RNF216: variants seen among roughly 807,000 people sequenced by gnomAD.
The protein encoded by RNF216 is E3 ubiquitin-protein ligase RNF216.
A neutral mutation model predicts 110.8 loss-of-function variants in RNF216; 72 were observed. The ratio of observed to expected loss-of-function variants is 0.65; its 90% CI spans 0.54 to 0.79. The LOEUF (loss-of-function observed/expected upper bound fraction) is 0.79. RNF216 is among the 30% of genes least tolerant of loss of function. The pLI is 0.00. For missense variants in RNF216, 1,342 were observed against 1,141.2 expected (o/e 1.18, Z -2.54); for synonymous variants, 495 against 407.5 (o/e 1.21, Z -2.59).
At chr7:5,652,300 A>T (rs1209408693) in intron 14 of RNF216, 113 bp downstream of exon 14, 2 of 746,518 alleles carry the variant, frequency 2.7e-6, no homozygotes, top group Admixed American at 1.9e-5. Flanking sequence ...ATCACTCCAG[A>T]CTGGGGTGGC....
At chr7:5,687,743 G>A (rs1164693746) in intron 13 of RNF216, among the ~76,000 whole-genome samples, 2 of 152,190 alleles carry the variant, frequency 1.3e-5, no homozygotes, top group Non-Finnish European at 2.9e-5. Context: ...ATCTAAGGAA[G>A]GAGAAGATAA....
At chr7:5,733,870 T>C (rs1794235104) in intron 5 of RNF216, among the ~76,000 whole-genome samples, 2 of 152,194 alleles carry the variant, frequency 1.3e-5, no homozygotes, top group African/African-American at 2.4e-5. Context: ...AATTCACACA[T>C]ATAAGTTGCT....
At chr7:5,718,853 G>A (rs541292385) in intron 9 of RNF216, among the ~76,000 whole-genome samples, 14 of 152,010 alleles carry the variant, frequency 9.2e-5, no homozygotes, top group Admixed American at 7.2e-4. Flanking sequence ...CATCCCACCC[G>A]GCCAAACTTA....
At chr7:5,679,332 A>G (rs1280727412) in intron 13 of RNF216, among the ~76,000 whole-genome samples, 1 of 152,232 alleles carries the variant, frequency 6.6e-6, no homozygotes, top group Non-Finnish European at 1.5e-5. Flanking sequence ...ATCTAGTGAC[A>G]TATTTTGGGC....
chr7:5,693,889 A>G (rs1791477133), intron 13 of RNF216, among the ~76,000 whole-genome samples: 1 of 152,178 alleles, frequency 6.6e-6, no homozygotes, highest in Non-Finnish European at 1.5e-5. Flanking sequence ...TTGCTTAAGA[A>G]ATCAGCCTTA....
At chr7:5,645,382 C>G (rs921471445) in intron 14 of RNF216, among the ~76,000 whole-genome samples, 1 of 152,160 alleles carries the variant, frequency 6.6e-6, no homozygotes, top group African/African-American at 2.4e-5. Flanking sequence ...ATTGGTACAT[C>G]AGATGATGTT....
At chr7:5,749,494 G>C (rs144647624) in intron 3 of RNF216, among the ~76,000 whole-genome samples, 2,918 of 152,176 alleles carry the variant, frequency 0.019, 42 homozygotes, top group Non-Finnish European at 0.03. Context: ...AAAGTTCCTA[G>C]AAATCTGATA....
chr7:5,630,428 A>G (rs188552238), intron 15 of RNF216, among the ~76,000 whole-genome samples: 96 of 152,024 alleles, frequency 6.3e-4, no homozygotes, highest in African/African-American at 2.3e-3. Flanking sequence ...CCCAGGGTGG[A>G]GTAAAATGGC....
At chr7:5,725,666 A>G (rs1393961353) in intron 7 of RNF216, among the ~76,000 whole-genome samples, 1 of 152,116 alleles carries the variant, frequency 6.6e-6, no homozygotes, top group Non-Finnish European at 1.5e-5. Context: ...TCTGGCCAAC[A>G]TGGTGAAACC....
At chr7:5,724,270 C>T (rs922344056) in intron 8 of RNF216, among the ~76,000 whole-genome samples, 5 of 152,190 alleles carry the variant, frequency 3.3e-5, no homozygotes, top group Non-Finnish European at 7.3e-5. Context: ...CAGTCAGAAT[C>T]TCTCTCCACA....
intron 3 of RNF216, among the ~76,000 whole-genome samples, chr7:5,750,782 C>T (rs148499999): frequency 3.9e-5 from 6 of 152,202 alleles, no homozygotes; most frequent in Non-Finnish European, 7.3e-5. Flanking sequence ...ATGCCTCTCA[C>T]GTGGCAGGAC....
chr7:5,751,355 T>C (rs561835312), intron 3 of RNF216, among the ~76,000 whole-genome samples: 126 of 152,234 alleles, frequency 8.3e-4, no homozygotes, highest in Non-Finnish European at 1.4e-3. Context: ...ATAAAAATTA[T>C]AGGAGGCCAC....
At chr7:5,698,284 T>C (rs1791749203) in intron 13 of RNF216, among the ~76,000 whole-genome samples, 1 of 152,066 alleles carries the variant, frequency 6.6e-6, no homozygotes, top group African/African-American at 2.4e-5. Context: ...GGAGGGTCTG[T>C]TACAGGCTAT....
intron 13 of RNF216, among the ~76,000 whole-genome samples, chr7:5,688,447 T>C (rs1791120812): frequency 2.0e-5 from 3 of 152,194 alleles, no homozygotes; most frequent in Admixed American, 6.5e-5. Flanking sequence ...CTGTTGACAC[T>C]AGTGAAAAGA....
rs536335648 is a variant in RNF216, at chr7:5,737,054, T to G, written c.1121+2222A>C. 2.0e-5 allele frequency among the ~76,000 whole-genome samples: 3 copies of G among 152,334 alleles called. No homozygotes were observed. In the South Asian group the frequency reaches 6.2e-4, roughly 32 times the overall value. On this transcript the variant is annotated intron_variant, in intron 5 of 16. Transcript: ENST00000389902. The stretch of plus-strand genomic sequence containing the variant: ...ACAGCTTATTGAGAACGGGCCATGA[T>G]GACGATGACAGCTGTGTCGAATAGA...
intron 14 of RNF216, among the ~76,000 whole-genome samples, chr7:5,644,569 A>T (rs559711081): frequency 3.3e-5 from 5 of 150,500 alleles, no homozygotes; most frequent in African/African-American, 4.9e-5. Flanking sequence ...GCAGTAGTGT[A>T]ATATCAGCTC....
chr7:5,716,649 C>G, intron 10 of RNF216, 67 bp downstream of exon 10: 5 of 1,343,098 alleles, frequency 3.7e-6, no homozygotes, highest in Non-Finnish European at 5.2e-6. Context: ...AAAATGCTGA[C>G]AAAACATGGT....
At chr7:5,780,463 G>A (rs1426152575) in intron 1 of RNF216, among the ~76,000 whole-genome samples, 1 of 152,150 alleles carries the variant, frequency 6.6e-6, no homozygotes, top group East Asian at 1.9e-4. Context: ...TTGGGAGGCC[G>A]AGGCGGAGGG....
Position 5,620,060 on chromosome 7 carries a change from A to G in RNF216, c.*2800T>C, listed in dbSNP as rs1786257678. 6.6e-6 allele frequency: 1 copy of G among 152,276 alleles called. No homozygotes were observed. Among genetic ancestry groups the G allele is most frequent in the African/African-American group, 2.4e-5 (1 of 41,466 alleles). 9.4% of individuals were successfully genotyped at this position (152,276 alleles called of 1,614,324 possible). A position where few individuals can be genotyped will look rare whatever the true frequency, so the allele number is the denominator to read the frequency against. On this transcript the variant is annotated 3_prime_UTR_variant, in exon 17 of 17. Coordinates refer to ENST00000389902, the MANE Select transcript of RNF216 (RefSeq NM_207111.4). ...CGAAGCTGGAGGGAGCAGAGCGCAC[A>G]AACATTTATTTACAAAAGTCCCAGT...
Sources: allele counts gnomAD v4.1 joint callset (sites outside exome capture counted in the v4.1 genomes callset), GRCh38; gene constraint gnomAD v4.1.1; transcripts MANE v1.5; gene names NCBI Gene and HGNC (gene_info 2026-07-23, HGNC 2026-07-21).